The following ACVR1 variants were observed in gnomAD, a reference collection of about 807,000 sequenced individuals.
ACVR1 encodes activin receptor type-1.
Under a neutral mutation model 57.1 loss-of-function variants are expected in ACVR1, and 38 were observed. The ratio of observed to expected loss-of-function variants is 0.67; its 90% confidence interval spans 0.51 to 0.87. The LOEUF is 0.87. ACVR1 is among the 40% of genes least tolerant of loss of function. ACVR1 has a pLI of 0.00. For synonymous variants in ACVR1, 212 were observed against 228.1 expected (o/e 0.93, Z 0.63); for missense variants, 463 against 638.2 (o/e 0.73, Z 2.96).
chr2:157,855,338 AC>A (rs1558848485), intron 1 of ACVR1, among the ~76,000 whole-genome samples: 1,454 of 138,848 alleles, frequency 0.01, 19 homozygotes, highest in African/African-American at 0.036. Flanking sequence ...ACACACACAC[AC>A]ACACACAAAA....
At chr2:157,872,462 G>A (rs1452972365) in intron 1 of ACVR1, among the ~76,000 whole-genome samples, 2 of 152,162 alleles carry the variant, frequency 1.3e-5, no homozygotes, top group Non-Finnish European at 2.9e-5. Flanking sequence ...GCTAGCTTCA[G>A]CCCAGCCTGT....
chr2:157,822,573 A>G lies in ACVR1; in HGVS notation c.-182-4014T>C, dbSNP rs748775454. Among the ~76,000 whole-genome samples the G allele has an allele frequency of 3.9e-4, 60 of 152,212 alleles. 1 individual carries two copies. Among genetic ancestry groups the G allele is most frequent in the Non-Finnish European group, 1.3e-4 (9 of 68,026 alleles). ...ATATCCAAAAACATTGTTAAATGGG[A>G]ACTATCACACTTAGTAGGATTTACA... On this transcript the variant is annotated intron_variant, in intron 1 of 10. Transcript: ENST00000434821.
chr2:157,848,042 C>G (rs1189495612), intron 1 of ACVR1, among the ~76,000 whole-genome samples: 1 of 152,154 alleles, frequency 6.6e-6, no homozygotes, highest in Non-Finnish European at 1.5e-5. Flanking sequence ...GGGGACATAA[C>G]AACTCAATGT....
At chr2:157,770,311 G>T in intron 7 of ACVR1, 57 bp downstream of exon 7, 1 of 1,594,312 alleles carries the variant, frequency 6.3e-7, no homozygotes. Flanking sequence ...AGAGAGCAAA[G>T]GCAGACAATT....
Position 157,738,509 on chromosome 2 carries a change from T to C in ACVR1, c.1326A>G (p.Glu442=), listed in dbSNP as rs1432737905. 1.2e-6 allele frequency: 2 copies of C among 1,614,122 alleles called. No homozygotes were observed. The highest frequency in any genetic ancestry group is 1.7e-6 in the Non-Finnish European group (2 of 1,179,988). ...YDVVPNDPSF[E]DMRKVVCVDQ... The stretch of plus-strand genomic sequence containing the variant: ...CCACACAGACTACCTTCCTCATATC[T>C]TCAAAACTTGGGTCATTGGGAACCA... The change falls in exon 10 of 11, where the codon GAA becomes GAG. Residue 442 remains glutamate, a synonymous_variant. Coordinates refer to ENST00000434821, the MANE Select transcript of ACVR1 (RefSeq NM_001111067.4).
chr2:157,861,972 G>A (rs969569982), intron 1 of ACVR1, among the ~76,000 whole-genome samples: 2 of 152,114 alleles, frequency 1.3e-5, no homozygotes. Flanking sequence ...GAGGATAAAA[G>A]GCCACGGCAT....
intron 8 of ACVR1, 105 bp from the exon 9 acceptor site, chr2:157,761,182 C>T (rs1310932787): frequency 1.9e-6 from 2 of 1,073,278 alleles, no homozygotes; most frequent in Non-Finnish European, 1.4e-6. Context: ...CTTGTGGATC[C>T]AGGGTCACTG....
At chr2:157,811,933 A>G (rs4380178) in intron 2 of ACVR1, among the ~76,000 whole-genome samples, 127,318 of 152,186 alleles carry the variant, frequency 0.84, 53,268 homozygotes, top group Middle Eastern at 0.88. Context: ...GAAAGCAAAT[A>G]AGTACCTATG....
chr2:157,800,964 A>G (rs1687303079), intron 2 of ACVR1, among the ~76,000 whole-genome samples: 1 of 152,048 alleles, frequency 6.6e-6, no homozygotes, highest in Non-Finnish European at 1.5e-5. Flanking sequence ...CCCTTGGTGA[A>G]AAACCTCTCC....
chr2:157,868,158 C>T (rs1439809868), intron 1 of ACVR1, among the ~76,000 whole-genome samples: 1 of 152,060 alleles, frequency 6.6e-6, no homozygotes, highest in Non-Finnish European at 1.5e-5. Context: ...GAAGCTGCAT[C>T]CCAGGACACA....
chr2:157,780,278 G>T, intron 4 of ACVR1, 59 bp downstream of exon 4: 1 of 1,610,834 alleles, frequency 6.2e-7, no homozygotes, highest in South Asian at 1.1e-5. Flanking sequence ...TAACCCACAC[G>T]GACCCAGGAC....
At chr2:157,836,285 C>G (rs557934968) in intron 1 of ACVR1, among the ~76,000 whole-genome samples, 1 of 152,324 alleles carries the variant, frequency 6.6e-6, no homozygotes, top group East Asian at 1.9e-4. Flanking sequence ...CGTGACCTTA[C>G]TTTGCCATCT....
intron 9 of ACVR1, among the ~76,000 whole-genome samples, chr2:157,746,739 CTA>C (rs1197021633): frequency 6.6e-6 from 1 of 152,246 alleles, no homozygotes; most frequent in Non-Finnish European, 1.5e-5. Context: ...AGTTTAAAAA[CTA>C]TCGATCCGAG....
chr2:157,788,609 T>A (rs1282271163), intron 3 of ACVR1, among the ~76,000 whole-genome samples: 3 of 152,168 alleles, frequency 2.0e-5, no homozygotes, highest in African/African-American at 7.2e-5. Flanking sequence ...TTGTTGTTAA[T>A]CTCTTCCTGT....
intron 2 of ACVR1, among the ~76,000 whole-genome samples, chr2:157,810,328 G>C (rs1194892658): frequency 5.3e-5 from 8 of 152,154 alleles, no homozygotes; most frequent in Admixed American, 4.6e-4. Context: ...GCAAGGAAAT[G>C]GAGAAAGAGA....
chr2:157,818,938 C>A (rs989356968), intron 1 of ACVR1, among the ~76,000 whole-genome samples: 1 of 150,854 alleles, frequency 6.6e-6, no homozygotes, highest in African/African-American at 2.4e-5. Flanking sequence ...ATTAGCCGGG[C>A]GTAGTGGCGG....
chr2:157,751,455 C>G (rs776019319), intron 9 of ACVR1, among the ~76,000 whole-genome samples: 1 of 152,180 alleles, frequency 6.6e-6, no homozygotes, highest in East Asian at 1.9e-4. Context: ...TTTCCTTGCC[C>G]GAACTCAGGG....
chr2:157,861,891 T>A (rs999227916), intron 1 of ACVR1, among the ~76,000 whole-genome samples: 3 of 152,202 alleles, frequency 2.0e-5, no homozygotes, highest in Admixed American at 1.3e-4. Flanking sequence ...ATGCAACTCT[T>A]AGATCATAAT....
intron 4 of ACVR1, among the ~76,000 whole-genome samples, chr2:157,778,810 C>T (rs1686397993): frequency 6.6e-6 from 1 of 152,124 alleles, no homozygotes; most frequent in African/African-American, 2.4e-5. Context: ...ATCACAATTT[C>T]TGCCTAGGAA....
Sources: allele counts gnomAD v4.1 joint callset (sites outside exome capture counted in the v4.1 genomes callset), GRCh38; gene constraint gnomAD v4.1.1; transcripts MANE v1.5; gene names NCBI Gene and HGNC (gene_info 2026-07-23, HGNC 2026-07-21).